Variants in GFM1 observed in about 807,000 individuals in gnomAD.
GFM1 encodes the protein elongation factor G, mitochondrial.
Under a neutral mutation model 96.2 loss-of-function variants are expected in GFM1, and 62 were observed. The observed-to-expected ratio is 0.64, with a 90% CI of 0.53 to 0.80. The LOEUF (loss-of-function observed/expected upper bound fraction) is 0.80, where lower values mean the gene tolerates loss of function less well. GFM1 is among the 30% of genes least tolerant of loss of function. GFM1 has a pLI of 0.00. For synonymous variants in GFM1, 282 were observed against 312.9 expected (o/e 0.90, Z 1.04); for missense variants, 852 against 916.6 (o/e 0.93, Z 0.91).
rs532180547 is a variant in GFM1, at chr3:158,645,798, G to A, written c.234+17G>A. On this transcript the variant is annotated intron_variant, in intron 2 of 17. Coordinates refer to ENST00000486715, the MANE Select transcript of GFM1 (RefSeq NM_024996.7). ...ATGCATGAGGTATATATTCACGGTTGATTCCGGATTAATTAGAACCAGATT... is the reference window on the plus strand; with the variant it reads ...ATGCATGAGGTATATATTCACGGTTAATTCCGGATTAATTAGAACCAGATT... 2.4e-5 allele frequency: 38 copies of A among 1,595,382 alleles called. No individual in the cohort carries two copies. Among genetic ancestry groups the A allele is most frequent in the Middle Eastern group, 1.7e-4 (1 of 6,026 alleles).
intron 4 of GFM1, among the ~76,000 whole-genome samples, chr3:158,648,614 G>A (rs1722033054): frequency 6.7e-6 from 1 of 150,328 alleles, no homozygotes; most frequent in South Asian, 2.1e-4. Flanking sequence ...GGAGGCGGAG[G>A]TTGCAGTGAG....
intron 12 of GFM1, 138 bp downstream of exon 12, chr3:158,665,612 T>C (rs925196229): frequency 2.1e-5 from 15 of 729,042 alleles, no homozygotes; most frequent in Non-Finnish European, 3.2e-5. Context: ...AGATGTGGTC[T>C]ACTGCTTCCT....
At chr3:158,669,359 A>C in intron 13 of GFM1, 1 of 1,440,610 alleles carries the variant, frequency 6.9e-7, no homozygotes, top group Non-Finnish European at 9.4e-7. Context: ...GCAACTAACA[A>C]TTTTAAGCAC....
intron 8 of GFM1, among the ~76,000 whole-genome samples, chr3:158,655,470 C>G (rs1401768100): frequency 7.2e-6 from 1 of 138,604 alleles, no homozygotes; most frequent in South Asian, 2.3e-4. Flanking sequence ...GGCGACAGAG[C>G]AAGACTTCAT....
intron 15 of GFM1, among the ~76,000 whole-genome samples, chr3:158,685,857 G>T (rs367713262): frequency 6.6e-6 from 1 of 152,076 alleles, no homozygotes; most frequent in South Asian, 2.1e-4. Flanking sequence ...TACCACTTTA[G>T]TATGTCTTAA....
chr3:158,646,271 T>G lies in GFM1; in HGVS notation c.341T>G (p.Val114Gly). 1.2e-6 allele frequency: 2 copies of G among 1,614,108 alleles called. No individual in the cohort carries two copies. The highest frequency in any genetic ancestry group is 1.7e-6 in the Non-Finnish European group (2 of 1,179,944). Residue 114 changes from valine (V) to glycine (G), a missense_variant, in exon 3 of 18, where the codon GTC (valine) becomes GGC (glycine). By Grantham distance (109) the Val-to-Gly change is moderately radical. Coordinates refer to ENST00000486715, the MANE Select transcript of GFM1 (RefSeq NM_024996.7). ...GCCACTTACACCATGTGGAAAGATG[T>G]CAATATTAACATTATAGATACTCCT... The part of the protein sequence containing the change: ...SAATYTMWKD[V>G]NINIIDTPGH...
intron 4 of GFM1, among the ~76,000 whole-genome samples, chr3:158,648,539 G>T (rs146399253): frequency 0.16 from 24,092 of 151,912 alleles, 1,980 homozygotes; most frequent in South Asian, 0.22. Context: ...TTAGCCAGGC[G>T]TGGTGGCGGG....
intron 8 of GFM1, among the ~76,000 whole-genome samples, chr3:158,658,448 A>T (rs1478808316): frequency 2.0e-5 from 3 of 152,056 alleles, no homozygotes; most frequent in Non-Finnish European, 1.5e-5. Context: ...TACAGGCCTG[A>T]GCGACCAGCC....
In GFM1 at chr3:158,647,904, T is replaced by A. The variant is rs1259150199; in HGVS notation, c.572+957T>A. Among the ~76,000 whole-genome samples, 3 of 152,218 alleles carry A rather than the reference T, an allele frequency of 2.0e-5. 1 individual carries two copies. Among genetic ancestry groups the A allele is most frequent in the African/African-American group, 4.8e-5 (2 of 41,456 alleles). On this transcript the variant is annotated intron_variant, in intron 4 of 17. Coordinates refer to ENST00000486715, the MANE Select transcript of GFM1 (RefSeq NM_024996.7). ...AACTTCTATAAAGCAGATAAAAATC[T>A]GGAACTTCTAGATCTGACCTTCATG...
chr3:158,677,915 A>G (rs1281415764), intron 13 of GFM1, among the ~76,000 whole-genome samples: 1 of 152,232 alleles, frequency 6.6e-6, no homozygotes, highest in Non-Finnish European at 1.5e-5. Context: ...TTCAAAAGAC[A>G]GGCTGTGACT....
At chr3:158,690,366 T>C in intron 16 of GFM1, 43 bp downstream of exon 16, 2 of 1,577,454 alleles carry the variant, frequency 1.3e-6, no homozygotes, top group Admixed American at 1.7e-5. Context: ...TTATTAACCA[T>C]AGAAGGAAAT....
intron 13 of GFM1, among the ~76,000 whole-genome samples, chr3:158,675,504 T>G (rs1354645571): frequency 2.6e-5 from 4 of 152,130 alleles, no homozygotes; most frequent in Non-Finnish European, 1.5e-5. Context: ...TGATAAAATA[T>G]TCCAAGTTCA....
At chr3:158,669,922 CTT>C (rs1457593910) in intron 13 of GFM1, among the ~76,000 whole-genome samples, 1 of 152,206 alleles carries the variant, frequency 6.6e-6, no homozygotes, top group African/African-American at 2.4e-5. Flanking sequence ...TTTAATCTGA[CTT>C]TATATACCAA....
At chr3:158,667,045 G>A (rs1723763431) in intron 13 of GFM1, 1 of 1,594,580 alleles carries the variant, frequency 6.3e-7, no homozygotes, top group Non-Finnish European at 8.5e-7. Context: ...GAATGGTGTA[G>A]TCTAATTCAA....
At chr3:158,652,046 C>T (rs1722336526) in intron 5 of GFM1, 50 bp from the exon 6 acceptor site, 5 of 1,489,498 alleles carry the variant, frequency 3.4e-6, no homozygotes, top group Non-Finnish European at 1.9e-6. Context: ...ATTAGTCCTT[C>T]ATATATTAAG....
At chr3:158,686,721 G>GTTTTT (rs67517331) in intron 15 of GFM1, among the ~76,000 whole-genome samples, 1,723 of 85,716 alleles carry the variant, frequency 0.02, 117 homozygotes, top group Middle Eastern at 0.042. Context: ...TTGAATTGAG[G>GTTTTT]TTTTTTTTTT....
chr3:158,660,875 A>G lies in GFM1; in HGVS notation c.1223A>G (p.Asp408Gly). The G allele has an allele frequency of 8.7e-6, 14 of 1,611,778 alleles. No homozygotes were observed. Among genetic ancestry groups the G allele is most frequent in the Non-Finnish European group, 1.1e-5 (13 of 1,178,272 alleles). Residue 408 changes from aspartate (D) to glycine (G), a missense_variant and splice_region_variant, in exon 10 of 18, where the codon GAT becomes GGT. Asp to Gly is a moderately conservative substitution (Grantham distance 94). Transcript: ENST00000486715. Reference protein sequence around the residue: ...LARMHADMMEDVEEVYAGDIC... With the variant: ...LARMHADMMEGVEEVYAGDIC... ...ATTTTGTGTTATTTGTTTTTTTAGG[A>G]TGTTGAGGAAGTATATGCCGGAGAC...
rs201900331 is a variant in GFM1, at chr3:158,691,311, C to A, written c.2125-25C>A. ...AAAAAACAAACAAACAAACAAAAAA[C>A]CCTCTCTTTTTTTTAAATCCCTAGG... On this transcript the variant is annotated intron_variant, in intron 17 of 17. Transcript: ENST00000486715. The A allele has an allele frequency of 2.4e-4, 381 of 1,587,148 alleles. No homozygotes were observed. In the African/African-American group the frequency reaches 4.9e-3, roughly 20 times the overall value.
intron 15 of GFM1, among the ~76,000 whole-genome samples, chr3:158,687,793 TAA>T (rs1725985337): frequency 1.3e-5 from 2 of 152,096 alleles, no homozygotes; most frequent in African/African-American, 4.8e-5. Context: ...ATTTGTCAAT[TAA>T]AAATTAAAAC....
Sources: allele counts gnomAD v4.1 joint callset (sites outside exome capture counted in the v4.1 genomes callset), GRCh38; gene constraint gnomAD v4.1.1; transcripts MANE v1.5; gene names NCBI Gene and HGNC (gene_info 2026-07-23, HGNC 2026-07-21).